Variants in KMT2C observed in about 807,000 individuals in gnomAD.
KMT2C encodes lysine methyltransferase 2C, also known as histone-lysine N-methyltransferase 2C.
In KMT2C, 88 loss-of-function variants were observed where a neutral mutation model predicts 507.9. The ratio of observed to expected loss-of-function variants is 0.17; its 90% CI spans 0.15 to 0.21. The LOEUF (loss-of-function observed/expected upper bound fraction) is 0.21. KMT2C is among the 10% of genes least tolerant of loss of function. The probability of loss-of-function intolerance (pLI) is 1.00; values close to 1 mark genes in which losing one functional copy is unlikely to be tolerated. For missense variants in KMT2C, 4,954 were observed against 5,957.8 expected, an observed-to-expected ratio of 0.83 and a Z score of 5.55; for synonymous variants, 2,049 against 2,080.8, an observed-to-expected ratio of 0.98 and a Z score of 0.42.
intron 46 of KMT2C, 150 bp from the exon 47 acceptor site, chr7:152,154,595 C>G: frequency 1.7e-6 from 1 of 596,600 alleles, no homozygotes; most frequent in Non-Finnish European, 2.9e-6. Flanking sequence ...CTCAGAGCCA[C>G]ACTGGGAAAA....
intron 43 of KMT2C, among the ~76,000 whole-genome samples, chr7:152,160,551 C>G (rs542507549): frequency 1.3e-5 from 2 of 151,838 alleles, no homozygotes; most frequent in African/African-American, 4.8e-5. Context: ...AAGCTCCCAC[C>G]TGATGTGGAT....
At chr7:152,395,131 T>G (rs1216099820) in intron 1 of KMT2C, among the ~76,000 whole-genome samples, 1 of 152,192 alleles carries the variant, frequency 6.6e-6, no homozygotes, top group Non-Finnish European at 1.5e-5. Context: ...TTGGTACATG[T>G]ATAATCCCAC....
At chr7:152,271,277 A>G (rs1333529045) in intron 7 of KMT2C, among the ~76,000 whole-genome samples, 1 of 152,208 alleles carries the variant, frequency 6.6e-6, no homozygotes, top group African/African-American at 2.4e-5. Context: ...AAAACATCCT[A>G]TCTGCAATAT....
Position 152,265,284 on chromosome 7 carries a change from T to G in KMT2C, c.1013-75A>C, listed in dbSNP as rs1264471235. On this transcript the variant is annotated intron_variant, in intron 7 of 58. Transcript: ENST00000262189. Reference sequence around the variant, plus strand: ...TTTCTGACTATACAGTAAAATCATTTGAAAGGATTTGCATCATGAACCTTT... The same window carrying G: ...TTTCTGACTATACAGTAAAATCATTGGAAAGGATTTGCATCATGAACCTTT... 5 of 1,579,370 alleles carry G rather than the reference T, an allele frequency of 3.2e-6. No homozygotes were observed. In the East Asian group the frequency reaches 1.2e-4, roughly 37 times the overall value.
At chr7:152,428,463 A>G (rs2097841650) in intron 1 of KMT2C, among the ~76,000 whole-genome samples, 1 of 140,208 alleles carries the variant, frequency 7.1e-6, no homozygotes, top group Admixed American at 6.9e-5. Context: ...AAATACAAAA[A>G]AAAAAAAAAA....
intron 2 of KMT2C, among the ~76,000 whole-genome samples, chr7:152,350,862 A>C (rs1483305823): frequency 6.6e-6 from 1 of 152,224 alleles, no homozygotes; most frequent in African/African-American, 2.4e-5. Flanking sequence ...CACTTTTGTA[A>C]TAACACAGCT....
Position 152,277,268 on chromosome 7 carries a change from T to C in KMT2C, c.850-3401A>G, listed in dbSNP as rs559465480. The stretch of plus-strand genomic sequence containing the variant: ...TTTTTAATCTTCACCAGTCTTTTTT[T>C]AGTATTAGGCAACTAGGATTCTCCC... On this transcript the variant is annotated intron_variant, in intron 6 of 58. Transcript: ENST00000262189. Among the ~76,000 whole-genome samples, 4 of 152,286 alleles carry C rather than the reference T, an allele frequency of 2.6e-5. No homozygotes were observed. In the South Asian group the frequency reaches 8.3e-4, roughly 32 times the overall value.
chr7:152,296,445 A>AAAAGAG (rs1309213611), intron 6 of KMT2C, among the ~76,000 whole-genome samples: 1 of 149,498 alleles, frequency 6.7e-6, no homozygotes, highest in African/African-American at 2.5e-5. Context: ...AAAAAAAAAA[A>AAAAGAG]AGAGAGAGAG....
intron 23 of KMT2C, among the ~76,000 whole-genome samples, chr7:152,209,185 G>A (rs2094391034): frequency 1.3e-5 from 2 of 150,996 alleles, no homozygotes; most frequent in East Asian, 3.9e-4. Flanking sequence ...GGCCAGGCAC[G>A]GTGGCTCACG....
intron 1 of KMT2C, among the ~76,000 whole-genome samples, chr7:152,422,409 C>T (rs1245322528): frequency 6.6e-6 from 1 of 151,610 alleles, no homozygotes; most frequent in East Asian, 1.9e-4. Context: ...GAGCCAAGAT[C>T]GCATCACTGC....
intron 1 of KMT2C, 84 bp downstream of exon 1, chr7:152,435,542 G>A (rs1272468513): frequency 3.7e-6 from 3 of 817,900 alleles, no homozygotes; most frequent in Non-Finnish European, 4.5e-6. Flanking sequence ...CCGGGGCGCG[G>A]AGGCCGCGGG....
intron 44 of KMT2C, among the ~76,000 whole-genome samples, chr7:152,158,519 T>G (rs1248697833): frequency 6.6e-6 from 1 of 151,760 alleles, no homozygotes; most frequent in Non-Finnish European, 1.5e-5. Context: ...TTGTTTTTTT[T>G]TTGTTTTTTT....
At chr7:152,290,485 T>C (rs2096409715) in intron 6 of KMT2C, among the ~76,000 whole-genome samples, 1 of 150,630 alleles carries the variant, frequency 6.6e-6, no homozygotes, top group Non-Finnish European at 1.5e-5. Context: ...GATTTTTGTA[T>C]TTTTAGTAGA....
intron 31 of KMT2C, among the ~76,000 whole-genome samples, chr7:152,192,556 A>T (rs1007763751): frequency 2.6e-5 from 4 of 152,132 alleles, no homozygotes; most frequent in African/African-American, 4.8e-5. Flanking sequence ...AAAAAGAAAA[A>T]AAAAAAGCAC....
At chr7:152,200,385 C>G (rs368509547) in intron 26 of KMT2C, among the ~76,000 whole-genome samples, 5 of 151,936 alleles carry the variant, frequency 3.3e-5, no homozygotes, top group Admixed American at 6.6e-5. Context: ...AAGAAAAAGC[C>G]CTAAAATACA....
At chr7:152,270,354 T>C (rs1305250497) in intron 7 of KMT2C, among the ~76,000 whole-genome samples, 5 of 152,164 alleles carry the variant, frequency 3.3e-5, no homozygotes, top group Non-Finnish European at 7.4e-5. Flanking sequence ...GTAAAAGGAA[T>C]TAAAGCTAAA....
At chr7:152,313,759 T>G (rs2096696085) in intron 4 of KMT2C, among the ~76,000 whole-genome samples, 1 of 152,130 alleles carries the variant, frequency 6.6e-6, no homozygotes. Context: ...ACTGCCATAT[T>G]ATCATTACTT....
intron 2 of KMT2C, among the ~76,000 whole-genome samples, chr7:152,332,655 G>A (rs2096894669): frequency 6.6e-6 from 1 of 152,132 alleles, no homozygotes; most frequent in African/African-American, 2.4e-5. Flanking sequence ...AGACCAGCCT[G>A]ACCAACAACA....
At chr7:152,275,607 G>A (rs2096067431) in intron 6 of KMT2C, among the ~76,000 whole-genome samples, 3 of 152,072 alleles carry the variant, frequency 2.0e-5, no homozygotes, top group Admixed American at 2.0e-4. Flanking sequence ...TTTCTTCATT[G>A]ATAAAGTGTA....
Sources: gnomAD v4.1 joint callset for allele counts (sites outside exome capture counted in the v4.1 genomes callset) on GRCh38, gnomAD v4.1.1 for gene constraint, MANE v1.5 for transcripts, NCBI Gene and HGNC (gene_info 2026-07-23, HGNC 2026-07-21) for gene names.